The following FAM107B variants were observed in gnomAD, a reference collection of about 807,000 sequenced individuals.
FAM107B encodes family with sequence similarity 107 member B.
Under a neutral mutation model 31.5 loss-of-function variants are expected in FAM107B, and 21 were observed. The observed-to-expected ratio is 0.67, with a 90% CI of 0.47 to 0.96. The LOEUF is 0.96. FAM107B is among the 40% of genes least tolerant of loss of function. The pLI, the probability that FAM107B is intolerant of heterozygous loss-of-function variation, is 0.00. For missense variants in FAM107B, 452 were observed against 377.1 expected (o/e 1.20, Z -1.64); for synonymous variants, 157 against 141.5 (o/e 1.11, Z -0.78).
At chr10:14,607,468 G>A (rs1373843464) in intron 2 of FAM107B, among the ~76,000 whole-genome samples, 2 of 152,184 alleles carry the variant, frequency 1.3e-5, no homozygotes, top group Admixed American at 6.5e-5. Context: ...ATGAGCTATG[G>A]TGATATTTCC....
chr10:14,609,506 C>G (rs1053138648), intron 2 of FAM107B, among the ~76,000 whole-genome samples: 9 of 152,186 alleles, frequency 5.9e-5, no homozygotes, highest in African/African-American at 2.2e-4. Flanking sequence ...GAAACCTCAT[C>G]ATGTGGCCCT....
chr10:14,564,526 A>G (rs1449026613), intron 2 of FAM107B, among the ~76,000 whole-genome samples: 1 of 152,034 alleles, frequency 6.6e-6, no homozygotes, highest in Non-Finnish European at 1.5e-5. Context: ...AAAAAAAGAT[A>G]AAATATTATA....
chr10:14,722,614 T>A (rs562577105), intron 1 of FAM107B, among the ~76,000 whole-genome samples: 1 of 152,232 alleles, frequency 6.6e-6, no homozygotes, highest in Non-Finnish European at 1.5e-5. Context: ...GCCATTTATA[T>A]GTCTTCTTTG....
At chr10:14,731,323 G>GA (rs1856167868) in intron 1 of FAM107B, among the ~76,000 whole-genome samples, 1 of 152,100 alleles carries the variant, frequency 6.6e-6, no homozygotes, top group Non-Finnish European at 1.5e-5. Context: ...GCAGTATGGG[G>GA]GGCCGAGGCA....
intron 2 of FAM107B, among the ~76,000 whole-genome samples, chr10:14,535,566 TAACATA>T (rs1847518508): frequency 6.6e-6 from 1 of 151,928 alleles, no homozygotes; most frequent in African/African-American, 2.4e-5. Context: ...TTCATGCAAC[TAACATA>T]AGAAGCTTCT....
chr10:14,688,294 T>A (rs530278565), intron 1 of FAM107B, among the ~76,000 whole-genome samples: 1 of 152,222 alleles, frequency 6.6e-6, no homozygotes, highest in Non-Finnish European at 1.5e-5. Context: ...GTTTTGGGAC[T>A]CGGACTGGCT....
intron 2 of FAM107B, among the ~76,000 whole-genome samples, chr10:14,553,906 A>C (rs1849476333): frequency 6.6e-6 from 1 of 152,156 alleles, no homozygotes; most frequent in Non-Finnish European, 1.5e-5. Flanking sequence ...CATAACAATT[A>C]ATAATGGGAG....
chr10:14,656,265 T>C (rs531747943), intron 2 of FAM107B, among the ~76,000 whole-genome samples: 1 of 152,234 alleles, frequency 6.6e-6, no homozygotes, highest in South Asian at 2.1e-4. Flanking sequence ...GTGTGGGGCA[T>C]GGGGGCGATA....
At chr10:14,552,033 C>T (rs1040987451) in intron 2 of FAM107B, among the ~76,000 whole-genome samples, 3 of 152,264 alleles carry the variant, frequency 2.0e-5, no homozygotes, top group African/African-American at 4.8e-5. Context: ...GGATTGTGAA[C>T]TATTTTATTT....
intron 1 of FAM107B, among the ~76,000 whole-genome samples, chr10:14,687,099 C>T (rs1288578037): frequency 6.6e-6 from 1 of 152,178 alleles, no homozygotes; most frequent in Non-Finnish European, 1.5e-5. Context: ...TTCAGGCTGT[C>T]CCCAAAACAA....
intron 2 of FAM107B, among the ~76,000 whole-genome samples, chr10:14,658,700 T>C (rs1469310560): frequency 1.3e-5 from 2 of 152,234 alleles, no homozygotes; most frequent in East Asian, 1.9e-4. Context: ...AAGTGATTGA[T>C]TCATCTACTT....
chr10:14,659,631 A>C (rs1338299786), intron 2 of FAM107B, among the ~76,000 whole-genome samples: 1 of 152,204 alleles, frequency 6.6e-6, no homozygotes, highest in Non-Finnish European at 1.5e-5. Context: ...ACTCTTGCAC[A>C]AAATCAGAGG....
At chr10:14,707,829 G>A (rs1399396238) in intron 1 of FAM107B, among the ~76,000 whole-genome samples, 1 of 152,154 alleles carries the variant, frequency 6.6e-6, no homozygotes, top group Non-Finnish European at 1.5e-5. Flanking sequence ...TCTTTTTTAA[G>A]TAATTTAAAA....
chr10:14,576,590 A>G (rs1447512075), intron 2 of FAM107B, among the ~76,000 whole-genome samples: 3 of 152,164 alleles, frequency 2.0e-5, no homozygotes, highest in Non-Finnish European at 4.4e-5. Context: ...CAGTGGGAAA[A>G]CTCTCACAAA....
chr10:14,734,812 T>C (rs987753825), intron 1 of FAM107B, among the ~76,000 whole-genome samples: 10 of 152,182 alleles, frequency 6.6e-5, no homozygotes, highest in African/African-American at 2.4e-4. Flanking sequence ...TGGCGCGATC[T>C]TGGCTCACTG....
At chr10:14,694,595 G>T (rs1855222654) in intron 1 of FAM107B, among the ~76,000 whole-genome samples, 2 of 152,140 alleles carry the variant, frequency 1.3e-5, no homozygotes, top group South Asian at 4.1e-4. Context: ...GTTGGTCAGG[G>T]CTGGCCTCGA....
chr10:14,623,241 C>A (rs1263022741), intron 2 of FAM107B, among the ~76,000 whole-genome samples: 1 of 152,150 alleles, frequency 6.6e-6, no homozygotes, highest in African/African-American at 2.4e-5. Flanking sequence ...GGCAAACGCA[C>A]CTTATTCTTC....
intron 2 of FAM107B, among the ~76,000 whole-genome samples, chr10:14,578,936 G>A (rs12571600): frequency 0.16 from 24,081 of 151,940 alleles, 2,316 homozygotes; most frequent in Middle Eastern, 0.28. Flanking sequence ...GCATGTTTTC[G>A]TTCAAACGCA....
At chr10:14,745,194 TTTC>T (rs1215085070) in intron 1 of FAM107B, among the ~76,000 whole-genome samples, 2 of 152,154 alleles carry the variant, frequency 1.3e-5, no homozygotes, top group African/African-American at 4.8e-5. Flanking sequence ...TCTTCTCTCT[TTTC>T]TTCTTTGTTA....
Sources: gnomAD v4.1 joint callset for allele counts (sites outside exome capture counted in the v4.1 genomes callset) on GRCh38, gnomAD v4.1.1 for gene constraint, MANE v1.5 for transcripts, NCBI Gene and HGNC (gene_info 2026-07-23, HGNC 2026-07-21) for gene names.